Variants in TAOK3 observed in about 807,000 individuals in gnomAD.
The protein encoded by TAOK3 is serine/threonine-protein kinase TAO3.
TAOK3 carries 40 observed loss-of-function variants against 120.4 expected under a neutral mutation model. That is an observed-to-expected ratio of 0.33 (90% CI 0.26 to 0.43). The LOEUF is 0.43. Ranked by LOEUF, TAOK3 falls within the 20% of genes least tolerant of loss-of-function variation. The pLI is 1.00. For missense variants in TAOK3, 821 were observed against 1,112.1 expected (o/e 0.74, Z 3.72); for synonymous variants, 355 against 387.5 (o/e 0.92, Z 0.99).
rs1396830331 is a variant in TAOK3, at chr12:118,160,393, C to T, written c.2140-35G>A. The T allele has an allele frequency of 6.4e-7, 1 of 1,555,672 alleles. No individual in the cohort carries two copies. Among genetic ancestry groups the T allele is most frequent in the Admixed American group, 1.7e-5 (1 of 59,630 alleles). On this transcript the variant is annotated intron_variant, in intron 18 of 20. Transcript: ENST00000392533. The surrounding 1 kb of genome is among the most constrained non-coding windows in gnomAD (Gnocchi z 4.2). ...AAAAGTGACAAAGGAAAAATAAAGG[C>T]ACATCAGTAAATACAGAAAGCCTTC... is the stretch of plus-strand genomic sequence containing the variant.
At chr12:118,217,763 T>C (rs1052373505) in intron 9 of TAOK3, among the ~76,000 whole-genome samples, 4 of 145,190 alleles carry the variant, frequency 2.8e-5, no homozygotes, top group East Asian at 4.0e-4. Flanking sequence ...TGTATATATA[T>C]GTATTTTATG....
chr12:118,300,483 G>A (rs564288547), intron 1 of TAOK3, among the ~76,000 whole-genome samples: 4 of 152,254 alleles, frequency 2.6e-5, no homozygotes, highest in African/African-American at 9.6e-5. Context: ...GCGAGGATTA[G>A]CATAGTCAAG....
chr12:118,158,671 G>T (rs146712113), intron 19 of TAOK3, among the ~76,000 whole-genome samples: 1 of 152,068 alleles, frequency 6.6e-6, no homozygotes, highest in Admixed American at 6.5e-5. Flanking sequence ...CTTCCTAACA[G>T]GTCTCTTTAC....
Position 118,152,249 on chromosome 12 carries a change from C to T in TAOK3, c.2513G>A (p.Arg838His), listed in dbSNP as rs769371732. ...LQKLEQRVSL[R>H]RAHLEQKIEE... ...TACCTTCTGCTCAAGGTGTGCTCTG[C>T]GCAGAGACACTCTCTGCTCTAGCTT... Residue 838 changes from arginine to histidine, a missense_variant, in exon 20 of 21, where the codon CGC becomes CAC. Arg to His is a conservative substitution (Grantham distance 29, BLOSUM62 0). Around this residue, in one of 2 missense-constraint regions of TAOK3, gnomAD observed 354 missense variants for 572.1 expected, o/e 0.62. Transcript: ENST00000392533. The T allele has an allele frequency of 3.7e-6, 6 of 1,613,968 alleles. No homozygotes were observed. Among genetic ancestry groups the T allele is most frequent in the African/African-American group, 1.3e-5 (1 of 74,928 alleles).
At chr12:118,165,904 C>G (rs2035548816) in intron 17 of TAOK3, among the ~76,000 whole-genome samples, 1 of 152,176 alleles carries the variant, frequency 6.6e-6, no homozygotes, top group Non-Finnish European at 1.5e-5. Context: ...TTGTTCCCTT[C>G]ACCTTTAATT....
chr12:118,179,916 G>C (rs112462235), intron 15 of TAOK3, among the ~76,000 whole-genome samples: 1 of 147,264 alleles, frequency 6.8e-6, no homozygotes, highest in South Asian at 2.1e-4. Flanking sequence ...AAAGTGCTGG[G>C]ATTACAGGCA....
rs930942402 is a variant in TAOK3, at chr12:118,371,673, C to T, written c.-194+975G>A. ...CCGCGACTGCGACCCAGGCTCCCCG[C>T]CGCAGCCGTTCTTGGGGGGGCTCCC... On this transcript the variant is annotated intron_variant, in intron 1 of 20. Coordinates refer to ENST00000392533, the MANE Select transcript of TAOK3 (RefSeq NM_016281.4). This position sits in a 1 kb window ranked among gnomAD's most constrained non-coding sequence, Gnocchi z 5.5. Among the ~76,000 whole-genome samples the T allele has an allele frequency of 5.9e-5, 9 of 152,128 alleles. 1 individual carries two copies. The highest frequency in any genetic ancestry group is 1.3e-4 in the Non-Finnish European group (9 of 67,992).
chr12:118,370,034 C>A (rs2045854406), intron 1 of TAOK3, among the ~76,000 whole-genome samples: 1 of 152,162 alleles, frequency 6.6e-6, no homozygotes, highest in Non-Finnish European at 1.5e-5. Flanking sequence ...ACCACCACGG[C>A]CATCTAATTT....
At chr12:118,365,403 T>A (rs2045715263) in intron 1 of TAOK3, among the ~76,000 whole-genome samples, 1 of 151,886 alleles carries the variant, frequency 6.6e-6, no homozygotes, top group African/African-American at 2.4e-5. Context: ...CAGCTAATTT[T>A]TGTATTTTTT....
At chr12:118,366,864 C>T (rs547195236) in intron 1 of TAOK3, among the ~76,000 whole-genome samples, 11 of 152,170 alleles carry the variant, frequency 7.2e-5, no homozygotes, top group Non-Finnish European at 7.4e-5. Flanking sequence ...CTGAGGTGGG[C>T]GGATCACTTG....
At chr12:118,288,972 T>C (rs2042369630) in intron 1 of TAOK3, among the ~76,000 whole-genome samples, 2 of 147,330 alleles carry the variant, frequency 1.4e-5, no homozygotes, top group South Asian at 4.3e-4. Flanking sequence ...GCTTAGGAAC[T>C]ATTTGGACAA....
rs1592978607 is a variant in TAOK3 at position 118,160,732 on chromosome 12, T to C, written c.2140-374A>G. Among the ~76,000 whole-genome samples, 3 of 152,158 alleles carry C rather than the reference T, an allele frequency of 2.0e-5. No homozygotes were observed. The highest frequency in any genetic ancestry group is 2.9e-5 in the Non-Finnish European group (2 of 68,022). ...CTTCAGTGTCTTCCATTGTTCATTG[T>C]TTTTCCCCCCTTTTTTTTTGTTTCT... is the stretch of plus-strand genomic sequence containing the variant. On this transcript the variant is annotated intron_variant, in intron 18 of 20. Coordinates refer to ENST00000392533, the MANE Select transcript of TAOK3 (RefSeq NM_016281.4). This position sits in a 1 kb window ranked among gnomAD's most constrained non-coding sequence, Gnocchi z 4.2.
At chr12:118,166,820 A>ATG (rs2035615935) in intron 17 of TAOK3, among the ~76,000 whole-genome samples, 1 of 97,980 alleles carries the variant, frequency 1.0e-5, no homozygotes, top group Non-Finnish European at 2.2e-5. Context: ...GTGTGTATAT[A>ATG]TATATATACA....
At chr12:118,231,689 C>T (rs186755547) in intron 9 of TAOK3, among the ~76,000 whole-genome samples, 125 of 151,834 alleles carry the variant, frequency 8.2e-4, no homozygotes, top group African/African-American at 2.8e-3. Flanking sequence ...TTTGGGAGGC[C>T]GAGGCGGGTG....
chr12:118,231,512 T>C lies in TAOK3; in HGVS notation c.643+2162A>G, dbSNP rs547688961. Among the ~76,000 whole-genome samples, 6 of 152,180 alleles carry C rather than the reference T, an allele frequency of 3.9e-5. No homozygotes were observed. In the East Asian group the frequency reaches 9.6e-4, roughly 24 times the overall value. On this transcript the variant is annotated intron_variant, in intron 9 of 20. Coordinates refer to ENST00000392533, the MANE Select transcript of TAOK3 (RefSeq NM_016281.4). ...AAAGTATCCCAAGTTGGCCTAACATTTTAGGAAAAGAGAAGACCATAGTCT... is the reference window on the plus strand; with the variant it reads ...AAAGTATCCCAAGTTGGCCTAACATCTTAGGAAAAGAGAAGACCATAGTCT...
chr12:118,308,059 T>C (rs904293136), intron 1 of TAOK3, among the ~76,000 whole-genome samples: 9 of 151,760 alleles, frequency 5.9e-5, no homozygotes, highest in Non-Finnish European at 8.8e-5. Flanking sequence ...CAGGATGGGA[T>C]AGGAGGTAGG....
intron 11 of TAOK3, among the ~76,000 whole-genome samples, chr12:118,207,144 T>C (rs1469986195): frequency 6.7e-6 from 1 of 150,344 alleles, no homozygotes; most frequent in Non-Finnish European, 1.5e-5. Flanking sequence ...CTGACCAACA[T>C]GGAGAAACCC....
At chr12:118,167,014 T>C (rs1393261154) in intron 17 of TAOK3, among the ~76,000 whole-genome samples, 1 of 152,136 alleles carries the variant, frequency 6.6e-6, no homozygotes, top group Non-Finnish European at 1.5e-5. Context: ...TCATGCCAAA[T>C]TTTTATGCTC....
Position 118,371,572 on chromosome 12 carries a change from G to T in TAOK3, c.-194+1076C>A, listed in dbSNP as rs748612089. ...GGGCTCACACTCCACCCTCAGGGAG[G>T]TCGCTGATGCCAGACCCTGGGAGCA... On this transcript the variant is annotated intron_variant, in intron 1 of 20. Coordinates refer to ENST00000392533, the MANE Select transcript of TAOK3 (RefSeq NM_016281.4). The surrounding 1 kb of genome is among the most constrained non-coding windows in gnomAD (Gnocchi z 5.5). Among the ~76,000 whole-genome samples, 31 of 152,070 alleles carry T rather than the reference G, an allele frequency of 2.0e-4. No homozygotes were observed. The highest frequency in any genetic ancestry group is 3.8e-4 in the Non-Finnish European group (26 of 67,982).
Sources: gnomAD v4.1 joint callset for allele counts (sites outside exome capture counted in the v4.1 genomes callset) on GRCh38, gnomAD v4.1.1 for gene constraint, gnomAD v4.1.1 regional missense constraint, Gnocchi (gnomAD v3.1) non-coding constraint, MANE v1.5 for transcripts, NCBI Gene and HGNC (gene_info 2026-07-23, HGNC 2026-07-21) for gene names.